Variants in MEF2C observed in about 807,000 individuals in gnomAD.
The protein encoded by MEF2C is myocyte enhancer factor 2C, also known as myocyte-specific enhancer factor 2C.
Under a neutral mutation model 50.5 loss-of-function variants are expected in MEF2C, and 6 were observed. The observed-to-expected ratio is 0.12, with a 90% CI of 0.07 to 0.23. The LOEUF (loss-of-function observed/expected upper bound fraction) is 0.23, where lower values mean the gene tolerates loss of function less well. Ranked by LOEUF, MEF2C falls within the 10% of genes least tolerant of loss-of-function variation. MEF2C has a pLI of 1.00. For missense variants in MEF2C, 276 were observed against 605.0 expected, an observed-to-expected ratio of 0.46 and a Z score of 5.70; for synonymous variants, 183 against 228.0, an observed-to-expected ratio of 0.80 and a Z score of 1.78.
chr5:88,849,128 G>C (rs1330475752), intron 1 of MEF2C, among the ~76,000 whole-genome samples: 1 of 133,448 alleles, frequency 7.5e-6, no homozygotes, highest in Non-Finnish European at 1.5e-5. Context: ...TCCAGATTGG[G>C]CAACAGAGTG....
intron 6 of MEF2C, chr5:88,737,615 G>T: frequency 1.0e-6 from 1 of 985,380 alleles, no homozygotes; most frequent in Non-Finnish European, 1.2e-6. Context: ...AAAGAATGGT[G>T]GCAGGGTGGC....
At position 88,719,054 on chromosome 5, in the gene MEF2C, A is replaced by G. The variant is rs1755420705; in HGVS notation, c.*3550T>C. On this transcript the variant is annotated 3_prime_UTR_variant, in exon 11 of 11. Transcript: ENST00000504921. ...TTTAAAAAAAATGTTTTTTAAAGAA[A>G]GAACTACAAAGCGTTTACTCTCTGG... 2 of 152,234 alleles carry G rather than the reference A, an allele frequency of 1.3e-5. 1 individual carries two copies. Among genetic ancestry groups the G allele is most frequent in the South Asian group, 4.1e-4 (2 of 4,834 alleles). The allele number at this position is 152,234 out of a possible 1,614,324, so 9.4% of individuals were successfully genotyped here.
At chr5:88,843,168 G>T in intron 1 of MEF2C, 2 of 255,384 alleles carry the variant, frequency 7.8e-6, no homozygotes, top group Non-Finnish European at 1.2e-5. Flanking sequence ...GGGATGAAGG[G>T]CTTTATAAAA....
chr5:88,750,373 TA>T (rs112745681), intron 5 of MEF2C, among the ~76,000 whole-genome samples: 149 of 148,812 alleles, frequency 1.0e-3, no homozygotes, highest in Middle Eastern at 3.4e-3. Flanking sequence ...CTAGTTAATT[TA>T]AAAAAAAAAT....
At position 88,734,974 on chromosome 5, in the gene MEF2C, C is replaced by T. The variant is rs1305015176; in HGVS notation, c.638-3073G>A. On this transcript the variant is annotated intron_variant, in intron 6 of 10. Transcript: ENST00000504921. ...GCTAGTGAATTTCTGCTGTTTTTAG[C>T]ATATTGTGCCAGCTAGCATTTTGGA... 4 of 985,218 alleles carry T rather than the reference C, an allele frequency of 4.1e-6. No individual in the cohort carries two copies. The African/African-American group carries it at 7.0e-5, about 17-fold the overall frequency. The allele number at this position is 985,218 out of a possible 1,614,324, so 61.0% of individuals were successfully genotyped here.
intron 3 of MEF2C, among the ~76,000 whole-genome samples, chr5:88,799,851 C>T (rs191825838): frequency 1.9e-5 from 2 of 105,852 alleles, no homozygotes; most frequent in Non-Finnish European, 3.6e-5. Context: ...CCCTTTCCTT[C>T]TCTCTCTCTC....
intron 3 of MEF2C, chr5:88,771,613 A>G (rs1482193974): frequency 2.0e-6 from 2 of 985,278 alleles, no homozygotes; most frequent in African/African-American, 3.5e-5. Context: ...GGCTTGGGTA[A>G]TATGTGTGGA....
chr5:88,850,773 T>G (rs1197059385), intron 1 of MEF2C, among the ~76,000 whole-genome samples: 2 of 151,980 alleles, frequency 1.3e-5, no homozygotes, highest in East Asian at 3.9e-4. Flanking sequence ...AATATATATG[T>G]ACAGTTGACC....
At chr5:88,731,701 A>G (rs1451298571) in intron 7 of MEF2C, 28 bp downstream of exon 7, 7 of 1,590,678 alleles carry the variant, frequency 4.4e-6, no homozygotes, top group Non-Finnish European at 6.0e-6. Flanking sequence ...CATTATCAAT[A>G]TTTATTTAAA....
chr5:88,757,431 T>C (rs1775872157), intron 4 of MEF2C, among the ~76,000 whole-genome samples: 1 of 152,074 alleles, frequency 6.6e-6, no homozygotes, highest in Non-Finnish European at 1.5e-5. Flanking sequence ...AAAAAAATCA[T>C]ACAACTCTGA....
chr5:88,821,692 CT>C (rs200953892), intron 2 of MEF2C, among the ~76,000 whole-genome samples: 91 of 147,726 alleles, frequency 6.2e-4, no homozygotes, highest in Non-Finnish European at 9.6e-4. Context: ...GGGAGCTAAA[CT>C]TTTTTTTTTT....
chr5:88,892,953 G>A (rs950543263), intron 1 of MEF2C, among the ~76,000 whole-genome samples: 1 of 152,180 alleles, frequency 6.6e-6, no homozygotes, highest in Admixed American at 6.5e-5. Context: ...GCCTAATGGA[G>A]CGTTCTGTTC....
chr5:88,768,784 G>C, intron 3 of MEF2C: 2 of 640,140 alleles, frequency 3.1e-6, no homozygotes, highest in Non-Finnish European at 3.9e-6. Context: ...TTCACACTAC[G>C]TTAAAACTCA....
chr5:88,821,255 ATTCT>A (rs1808207068), intron 2 of MEF2C, among the ~76,000 whole-genome samples: 2 of 151,684 alleles, frequency 1.3e-5, no homozygotes, highest in African/African-American at 4.8e-5. Context: ...CGACATTAAG[ATTCT>A]TTGTTTGTTT....
chr5:88,782,895 T>G (rs1469926415), intron 3 of MEF2C, among the ~76,000 whole-genome samples: 3 of 152,252 alleles, frequency 2.0e-5, no homozygotes, highest in East Asian at 1.9e-4. Flanking sequence ...TTGATTTCCC[T>G]GTCTCTTCTT....
intron 5 of MEF2C, chr5:88,750,024 C>T (rs865896816): frequency 7.5e-5 from 22 of 294,232 alleles, no homozygotes; most frequent in Non-Finnish European, 9.4e-5. Flanking sequence ...AGCGAGACTC[C>T]GTCTCAAAAA....
At chr5:88,786,100 T>G (rs1235318914) in intron 3 of MEF2C, among the ~76,000 whole-genome samples, 1 of 151,846 alleles carries the variant, frequency 6.6e-6, no homozygotes, top group Non-Finnish European at 1.5e-5. Context: ...AGACATTTGT[T>G]AGGGAAAAAT....
chr5:88,728,762 G>A (rs1417162189), intron 9 of MEF2C, 134 bp from the exon 10 acceptor site: 1 of 651,030 alleles, frequency 1.5e-6, no homozygotes, highest in Non-Finnish European at 2.3e-6. Flanking sequence ...TAATTTTGAG[G>A]GGAGGGGAGA....
chr5:88,734,925 A>G, intron 6 of MEF2C: 1 of 984,536 alleles, frequency 1.0e-6, no homozygotes, highest in Non-Finnish European at 1.2e-6. Context: ...AGTTATTTTT[A>G]AGAACAAATA....
Sources: allele counts gnomAD v4.1 joint callset (sites outside exome capture counted in the v4.1 genomes callset), GRCh38; gene constraint gnomAD v4.1.1; transcripts MANE v1.5; gene names NCBI Gene and HGNC (gene_info 2026-07-23, HGNC 2026-07-21).